ANKIB1: variants seen among roughly 807,000 people sequenced by gnomAD.
ANKIB1 encodes ankyrin repeat and IBR domain containing 1.
In ANKIB1, 43 loss-of-function variants were observed where a neutral mutation model predicts 122.1. The observed-to-expected ratio is 0.35, with a 90% CI of 0.28 to 0.45. The LOEUF (loss-of-function observed/expected upper bound fraction) is 0.45. ANKIB1 is among the 20% of genes least tolerant of loss of function. ANKIB1 has a pLI of 1.00. For missense variants in ANKIB1, 992 were observed against 1,329.5 expected (o/e 0.75, Z 3.95); for synonymous variants, 390 against 442.0 (o/e 0.88, Z 1.48).
intron 3 of ANKIB1, among the ~76,000 whole-genome samples, chr7:92,318,621 A>T (rs1319151372): frequency 6.6e-6 from 1 of 152,182 alleles, no homozygotes; most frequent in African/African-American, 2.4e-5. Flanking sequence ...ATAATGGGAA[A>T]CTTGAACCTA....
chr7:92,319,783 A>G, intron 4 of ANKIB1: 1 of 326,644 alleles, frequency 3.1e-6, no homozygotes, highest in Non-Finnish European at 5.6e-6. Context: ...AAAATTTTAA[A>G]AATTTGCCAG....
At chr7:92,287,518 T>C (rs1408636332) in intron 1 of ANKIB1, among the ~76,000 whole-genome samples, 4 of 152,202 alleles carry the variant, frequency 2.6e-5, no homozygotes, top group Non-Finnish European at 2.9e-5. Flanking sequence ...GTACAGGATG[T>C]CAGTAGGTTA....
intron 5 of ANKIB1, among the ~76,000 whole-genome samples, chr7:92,330,858 CAA>C (rs1046111564): frequency 1.3e-5 from 2 of 151,758 alleles, no homozygotes; most frequent in African/African-American, 4.8e-5. Context: ...AAAACAAAAA[CAA>C]AAAACAAAAT....
intron 1 of ANKIB1, among the ~76,000 whole-genome samples, chr7:92,250,461 CTT>C (rs1562759389): frequency 6.6e-6 from 1 of 152,178 alleles, no homozygotes; most frequent in Non-Finnish European, 1.5e-5. Flanking sequence ...ATTGTTTAAA[CTT>C]TTGAAAAGAC....
At chr7:92,273,684 C>T (rs574839155) in intron 1 of ANKIB1, among the ~76,000 whole-genome samples, 1 of 152,154 alleles carries the variant, frequency 6.6e-6, no homozygotes, top group South Asian at 2.1e-4. Flanking sequence ...AGAACTAATA[C>T]AAAGGGAGTG....
chr7:92,390,225 ATT>A (rs1165521088), intron 15 of ANKIB1, 109 bp downstream of exon 15: 3 of 802,642 alleles, frequency 3.7e-6, no homozygotes, highest in East Asian at 6.4e-5. Flanking sequence ...TACTAAAACA[ATT>A]TTCTTTTCAT....
At chr7:92,275,802 C>G (rs1012034494) in intron 1 of ANKIB1, among the ~76,000 whole-genome samples, 1 of 152,194 alleles carries the variant, frequency 6.6e-6, no homozygotes, top group Non-Finnish European at 1.5e-5. Flanking sequence ...AACTCACTTT[C>G]ATTGTACAGT....
intron 10 of ANKIB1, among the ~76,000 whole-genome samples, chr7:92,370,161 A>T (rs1460431953): frequency 6.6e-6 from 1 of 152,092 alleles, no homozygotes; most frequent in Non-Finnish European, 1.5e-5. Context: ...TGTGTATTCT[A>T]AAAAGATCAC....
At chr7:92,256,231 C>T (rs1801442784) in intron 1 of ANKIB1, among the ~76,000 whole-genome samples, 2 of 152,150 alleles carry the variant, frequency 1.3e-5, no homozygotes, top group Non-Finnish European at 2.9e-5. Context: ...AAGTGATAGG[C>T]TGTGAAGAGA....
At chr7:92,311,873 C>G (rs537147397) in intron 3 of ANKIB1, among the ~76,000 whole-genome samples, 2 of 152,248 alleles carry the variant, frequency 1.3e-5, no homozygotes, top group African/African-American at 4.8e-5. Flanking sequence ...CTCTGAACTT[C>G]ATGCTATATT....
intron 1 of ANKIB1, among the ~76,000 whole-genome samples, chr7:92,256,792 A>G (rs1466089429): frequency 6.6e-6 from 1 of 152,190 alleles, no homozygotes; most frequent in Non-Finnish European, 1.5e-5. Context: ...ATGATTTTCA[A>G]CTTGGAATAC....
Position 92,307,433 on chromosome 7 carries a change from T to C in ANKIB1, c.263T>C (p.Met88Thr). The change falls in exon 3 of 20, where the codon ATG (methionine) becomes ACG (threonine). Residue 88 changes from methionine to threonine, a missense_variant. Coordinates refer to ENST00000265742, the MANE Select transcript of ANKIB1 (RefSeq NM_019004.2). ...GAAACATCTATGCATTTGTTGTGTA[T>C]GGGACCTCAAATTATGATATCTGAA... is the stretch of plus-strand genomic sequence containing the variant. The part of the protein sequence containing the change: ...HNETSMHLLC[M>T]GPQIMISEGA... 1 of 1,614,006 alleles carries C rather than the reference T, an allele frequency of 6.2e-7. No individual in the cohort carries two copies. Among genetic ancestry groups the C allele is most frequent in the Non-Finnish European group, 8.5e-7 (1 of 1,179,870 alleles).
chr7:92,316,593 T>G (rs953634251), intron 3 of ANKIB1, among the ~76,000 whole-genome samples: 1 of 152,204 alleles, frequency 6.6e-6, no homozygotes, highest in Non-Finnish European at 1.5e-5. Flanking sequence ...CAGGTCTTTA[T>G]GGTTCCCTCA....
Position 92,371,477 on chromosome 7 carries a change from T to C in ANKIB1, c.1487T>C (p.Leu496Pro). 6.2e-7 allele frequency: 1 copy of C among 1,603,938 alleles called. No homozygotes were observed. The highest frequency in any genetic ancestry group is 8.5e-7 in the Non-Finnish European group (1 of 1,174,560). Residue 496 changes from leucine (L) to proline (P), a missense_variant and splice_region_variant, in exon 11 of 20, where the codon CTT (leucine) becomes CCT (proline). This residue lies in a region of ANKIB1 where 521 missense variants were observed against 777.7 expected (regional missense o/e 0.67). Transcript: ENST00000265742. ...QKITEMKPEELVGVSEAYEDA... is the reference protein window; with the variant it reads ...QKITEMKPEEPVGVSEAYEDA... ...TGTGATTGTGTTTAATATCCCAAAG[T>C]TGTGGGAGTTAGTGAAGCCTACGAG...
chr7:92,342,866 A>G (rs890989755), intron 5 of ANKIB1, among the ~76,000 whole-genome samples, 158 bp from the exon 6 acceptor site: 1 of 152,252 alleles, frequency 6.6e-6, no homozygotes, highest in Non-Finnish European at 1.5e-5. Flanking sequence ...CGCTAATAAC[A>G]AGAACATACC....
intron 1 of ANKIB1, among the ~76,000 whole-genome samples, chr7:92,276,690 C>T (rs570686063): frequency 1.3e-5 from 2 of 152,340 alleles, no homozygotes; most frequent in African/African-American, 4.8e-5. Context: ...TCAGTTTCTG[C>T]ATTTTAGTTT....
At chr7:92,306,654 A>G (rs1802568361) in intron 2 of ANKIB1, among the ~76,000 whole-genome samples, 1 of 152,112 alleles carries the variant, frequency 6.6e-6, no homozygotes, top group South Asian at 2.1e-4. Flanking sequence ...CCAGACACTG[A>G]ATCACCTGGC....
At chr7:92,372,532 G>C (rs896512563) in intron 11 of ANKIB1, among the ~76,000 whole-genome samples, 1 of 152,000 alleles carries the variant, frequency 6.6e-6, no homozygotes, top group Non-Finnish European at 1.5e-5. Flanking sequence ...CCAGACTTTA[G>C]GTCTGCTAAT....
chr7:92,328,187 T>C (rs1803067901), intron 5 of ANKIB1, among the ~76,000 whole-genome samples: 1 of 152,198 alleles, frequency 6.6e-6, no homozygotes, highest in Admixed American at 6.6e-5. Context: ...ATGTCTAATT[T>C]GAGTGAGATT....
Sources: allele counts gnomAD v4.1 joint callset (sites outside exome capture counted in the v4.1 genomes callset), GRCh38; gene constraint gnomAD v4.1.1; regional missense constraint gnomAD v4.1.1; transcripts MANE v1.5; gene names NCBI Gene and HGNC (gene_info 2026-07-23, HGNC 2026-07-21).